The following CFAP70 variants were observed in gnomAD, a reference collection of about 807,000 sequenced individuals.
CFAP70 encodes cilia- and flagella-associated protein 70.
CFAP70 carries 81 observed loss-of-function variants against 137.6 expected under a neutral mutation model. The ratio of observed to expected loss-of-function variants is 0.59; its 90% CI spans 0.49 to 0.71. The LOEUF (loss-of-function observed/expected upper bound fraction) is 0.71, where lower values mean the gene tolerates loss of function less well. CFAP70 is among the 30% of genes least tolerant of loss of function. CFAP70 has a pLI of 0.00. For synonymous variants in CFAP70, 382 were observed against 423.6 expected (o/e 0.90, Z 1.20); for missense variants, 976 against 1,226.7 (o/e 0.80, Z 3.05).
intron 6 of CFAP70, among the ~76,000 whole-genome samples, chr10:73,335,842 T>G (rs184730975): frequency 3.3e-5 from 5 of 151,628 alleles, no homozygotes; most frequent in South Asian, 2.1e-4. Flanking sequence ...TTTTGTTTTT[T>G]TTTTTTTAAA....
chr10:73,255,991 G>T (rs948509367), intron 26 of CFAP70, among the ~76,000 whole-genome samples: 7 of 152,060 alleles, frequency 4.6e-5, no homozygotes, highest in Non-Finnish European at 7.4e-5. Flanking sequence ...TTCCTATTTT[G>T]CCCTTTACAG....
chr10:73,293,018 G>A (rs1418383948), intron 16 of CFAP70, among the ~76,000 whole-genome samples: 1 of 151,978 alleles, frequency 6.6e-6, no homozygotes, highest in Non-Finnish European at 1.5e-5. Context: ...TTAAGGTTGA[G>A]GTTTATTTTA....
At chr10:73,313,613 C>G (rs1482760576) in intron 9 of CFAP70, among the ~76,000 whole-genome samples, 1 of 151,020 alleles carries the variant, frequency 6.6e-6, no homozygotes, top group African/African-American at 2.4e-5. Context: ...GGGGCCGAGG[C>G]AGGCGGATCA....
chr10:73,336,644 C>A (rs974060964), intron 6 of CFAP70, among the ~76,000 whole-genome samples: 4 of 139,814 alleles, frequency 2.9e-5, no homozygotes, highest in Non-Finnish European at 4.5e-5. Context: ...AGTGCAGTGG[C>A]GCGATCTCGG....
intron 26 of CFAP70, among the ~76,000 whole-genome samples, chr10:73,255,512 C>A (rs537498025): frequency 6.2e-4 from 94 of 152,298 alleles, no homozygotes; most frequent in African/African-American, 2.3e-3. Context: ...TGAGATCGTG[C>A]TACTGCACTC....
exon 20 of CFAP70, chr10:73,278,307 T>C: frequency 6.2e-7 from 1 of 1,613,950 alleles, no homozygotes; most frequent in Admixed American, 1.7e-5. Context: ...TTCAAGAAAT[T>C]TGTCTAGAAT....
At chr10:73,315,236 A>C (rs78750487) in intron 9 of CFAP70, among the ~76,000 whole-genome samples, 5 of 149,146 alleles carry the variant, frequency 3.4e-5, no homozygotes, top group Admixed American at 1.3e-4. Flanking sequence ...AAAAAAAAAA[A>C]CAGCTTTATT....
At chr10:73,347,119 A>G (rs912862497) in intron 4 of CFAP70, 6 of 152,224 alleles carry the variant, frequency 3.9e-5, no homozygotes, top group Non-Finnish European at 8.8e-5. Context: ...TATGTAAGTA[A>G]GTCAGGATTC....
intron 12 of CFAP70, among the ~76,000 whole-genome samples, chr10:73,306,376 T>C (rs1184975798): frequency 1.3e-5 from 2 of 152,104 alleles, no homozygotes; most frequent in Admixed American, 1.3e-4. Flanking sequence ...GAAAAACTCA[T>C]ATGTCCACAC....
chr10:73,291,835 T>A, intron 17 of CFAP70, 46 bp downstream of exon 18: 2 of 1,613,548 alleles, frequency 1.2e-6, no homozygotes, highest in Non-Finnish European at 1.7e-6. Context: ...ACGTAGAAAC[T>A]TATCTGTTCC....
At chr10:73,303,786 A>C (rs982775270) in intron 12 of CFAP70, among the ~76,000 whole-genome samples, 2 of 152,224 alleles carry the variant, frequency 1.3e-5, no homozygotes, top group African/African-American at 4.8e-5. Flanking sequence ...ATACTGTTAT[A>C]CTGTCACTCT....
At chr10:73,293,588 G>C in intron 15 of CFAP70, 200 bp from the exon 17 acceptor site, 1 of 443,226 alleles carries the variant, frequency 2.3e-6, no homozygotes, top group Non-Finnish European at 4.0e-6. Flanking sequence ...GAGAAGCTCA[G>C]GTATCTGAAT....
chr10:73,351,503 G>A (rs757765062), intron 3 of CFAP70, among the ~76,000 whole-genome samples: 3 of 151,266 alleles, frequency 2.0e-5, no homozygotes, highest in Admixed American at 1.3e-4. Flanking sequence ...GTATGATCTC[G>A]GCTCACTGTA....
intron 26 of CFAP70, among the ~76,000 whole-genome samples, chr10:73,254,700 G>A (rs2044295119): frequency 6.6e-6 from 1 of 152,148 alleles, no homozygotes; most frequent in African/African-American, 2.4e-5. Flanking sequence ...GTCCTTTAAA[G>A]GGAACTGAAG....
rs998159467 is a variant in CFAP70, at chr10:73,264,737, A to G, written c.3027+4877T>C. Among the ~76,000 whole-genome samples, 8 of 152,384 alleles carry G rather than the reference A, an allele frequency of 5.2e-5. No individual in the cohort carries two copies. The South Asian group carries it at 6.2e-4, about 12-fold the overall frequency. On this transcript the variant is annotated intron_variant, in intron 25 of 26. Transcript: ENST00000310715. The stretch of plus-strand genomic sequence containing the variant: ...CATTGCAAAGAATGTTTTCAAAAGT[A>G]CCATGAGTTAATTATTTTTCTGCAT...
At chr10:73,259,135 C>T (rs555986054) in intron 25 of CFAP70, among the ~76,000 whole-genome samples, 45 of 152,142 alleles carry the variant, frequency 3.0e-4, no homozygotes, top group African/African-American at 9.2e-4. Context: ...CGGAACCTGC[C>T]GATGTGTGAT....
intron 9 of CFAP70, 65 bp from the exon 11 acceptor site, chr10:73,312,708 TA>T (rs1391862525): frequency 1.8e-5 from 25 of 1,369,326 alleles, no homozygotes; most frequent in African/African-American, 4.4e-5. Context: ...AAATACACAT[TA>T]TTTTTTTTTA....
At chr10:73,271,015 G>A (rs1364640389) in intron 24 of CFAP70, among the ~76,000 whole-genome samples, 4 of 152,060 alleles carry the variant, frequency 2.6e-5, no homozygotes, top group Admixed American at 2.6e-4. Flanking sequence ...GCTAGATGCT[G>A]GGAGTAAAAA....
intron 9 of CFAP70, among the ~76,000 whole-genome samples, chr10:73,319,648 G>T (rs1438281279): frequency 6.6e-6 from 1 of 152,120 alleles, no homozygotes. Context: ...GGTCTTCCTT[G>T]CTTGACACCC....
Sources: allele counts gnomAD v4.1 joint callset (sites outside exome capture counted in the v4.1 genomes callset), GRCh38; gene constraint gnomAD v4.1.1; transcripts MANE v1.5; gene names NCBI Gene and HGNC (gene_info 2026-07-23, HGNC 2026-07-21).